Variants in CSMD1 observed in about 807,000 individuals in gnomAD.
CSMD1 encodes CUB and sushi domain-containing protein 1.
CSMD1 carries 213 observed loss-of-function variants against 417.5 expected under a neutral mutation model. That is an observed-to-expected ratio of 0.51 (90% CI 0.46 to 0.57). The LOEUF (loss-of-function observed/expected upper bound fraction) is 0.57. Among genes scored for constraint, CSMD1 ranks in the 20% least tolerant of loss-of-function variants. The pLI is 0.00. For synonymous variants in CSMD1, 2,862 were observed against 1,736.8 expected (o/e 1.65, Z -16.11); for missense variants, 6,923 against 4,529.7 (o/e 1.53, Z -15.17).
Position 4,215,231 on chromosome 8 carries a change from T to C in CSMD1, c.416-183132A>G, listed in dbSNP as rs1163915706. Among the ~76,000 whole-genome samples the C allele has an allele frequency of 2.6e-5, 4 of 152,326 alleles. No homozygotes were observed. The South Asian group carries it at 8.3e-4, about 32-fold the overall frequency. On this transcript the variant is annotated intron_variant, in intron 3 of 69. Transcript: ENST00000635120. ...GCTGCGACCTCTAGGTAGAAATTCTTGATCAGAGATGTGCTTTTCTCCTGT... is the reference window on the plus strand; with the variant it reads ...GCTGCGACCTCTAGGTAGAAATTCTCGATCAGAGATGTGCTTTTCTCCTGT...
At chr8:3,228,473 T>C (rs1001077827) in intron 27 of CSMD1, among the ~76,000 whole-genome samples, 1 of 152,192 alleles carries the variant, frequency 6.6e-6, no homozygotes, top group African/African-American at 2.4e-5. Flanking sequence ...GTTGCCAAAA[T>C]AATTGATTAT....
At chr8:3,302,653 C>G (rs1418935049) in intron 25 of CSMD1, among the ~76,000 whole-genome samples, 1 of 152,146 alleles carries the variant, frequency 6.6e-6, no homozygotes, top group Non-Finnish European at 1.5e-5. Context: ...AGCAGGCACC[C>G]TGTGAGCAGT....
intron 5 of CSMD1, among the ~76,000 whole-genome samples, chr8:3,925,698 G>T (rs575830036): frequency 6.6e-6 from 1 of 151,834 alleles, no homozygotes; most frequent in Non-Finnish European, 1.5e-5. Context: ...CCACCACCAC[G>T]TAAGAAGTGC....
At chr8:3,280,564 G>T (rs887507129) in intron 26 of CSMD1, among the ~76,000 whole-genome samples, 2 of 152,232 alleles carry the variant, frequency 1.3e-5, no homozygotes, top group East Asian at 3.9e-4. Context: ...ATTTATACCA[G>T]AATTTGGATT....
In CSMD1 at chr8:4,079,542, C is replaced by T. The variant is rs116108408; in HGVS notation, c.416-47443G>A. Among the ~76,000 whole-genome samples the T allele has an allele frequency of 6.5e-3, 984 of 152,296 alleles. 10 individuals are homozygous for T. The highest frequency in any genetic ancestry group is 0.022 in the African/African-American group (912 of 41,556). On this transcript the variant is annotated intron_variant, in intron 3 of 69. Coordinates refer to ENST00000635120, the MANE Select transcript of CSMD1 (RefSeq NM_033225.6). ...CAGCTGCACATCTGATGCCAAAACA[C>T]TGAAGATATTTATTGATGTACTTCA... is the stretch of plus-strand genomic sequence containing the variant.
chr8:4,269,522 A>G (rs906401762), intron 3 of CSMD1, among the ~76,000 whole-genome samples: 5 of 152,138 alleles, frequency 3.3e-5, no homozygotes, highest in Non-Finnish European at 7.4e-5. Flanking sequence ...TATCTAACTA[A>G]AAGCCCTCAA....
intron 7 of CSMD1, among the ~76,000 whole-genome samples, chr8:3,647,638 T>C (rs540096606): frequency 1.3e-5 from 2 of 152,342 alleles, no homozygotes; most frequent in East Asian, 1.9e-4. Flanking sequence ...TGCCATGTGA[T>C]TAAAGCATTC....
chr8:3,463,686 T>G (rs559839325), intron 12 of CSMD1, among the ~76,000 whole-genome samples: 1 of 152,196 alleles, frequency 6.6e-6, no homozygotes, highest in Non-Finnish European at 1.5e-5. Context: ...ATGTGCATAA[T>G]TGCTCACCTA....
intron 1 of CSMD1, among the ~76,000 whole-genome samples, chr8:4,967,417 T>C (rs1352052153): frequency 6.6e-6 from 1 of 152,156 alleles, no homozygotes; most frequent in African/African-American, 2.4e-5. Context: ...GATAAATAAC[T>C]ACATTAGTAA....
Position 4,341,640 on chromosome 8 carries a change from T to C in CSMD1, c.415+78313A>G, listed in dbSNP as rs13269988. On this transcript the variant is annotated intron_variant, in intron 3 of 69. Coordinates refer to ENST00000635120, the MANE Select transcript of CSMD1 (RefSeq NM_033225.6). The stretch of plus-strand genomic sequence containing the variant: ...AACTTACGGAAAAATGTTTAGGATA[T>C]GCTCTTGTGTTCTAAAAGCATCTTT... 4.9e-3 allele frequency among the ~76,000 whole-genome samples: 752 copies of C among 152,300 alleles called. 5 individuals are homozygous for C. The highest frequency in any genetic ancestry group is 8.2e-3 in the Non-Finnish European group (555 of 68,008).
At chr8:3,970,392 C>T (rs539824166) in intron 5 of CSMD1, among the ~76,000 whole-genome samples, 7 of 152,080 alleles carry the variant, frequency 4.6e-5, no homozygotes, top group Admixed American at 2.0e-4. Flanking sequence ...AAATCTGAAA[C>T]GAGATTGATT....
intron 6 of CSMD1, among the ~76,000 whole-genome samples, chr8:3,713,205 G>T (rs767941506): frequency 6.6e-6 from 1 of 152,102 alleles, no homozygotes; most frequent in Non-Finnish European, 1.5e-5. Flanking sequence ...ATTTTGTTGT[G>T]TCATTTACTT....
intron 2 of CSMD1, among the ~76,000 whole-genome samples, chr8:4,537,548 T>C (rs976399998): frequency 1.6e-4 from 25 of 152,226 alleles, no homozygotes; most frequent in African/African-American, 5.5e-4. Flanking sequence ...ATTAAAAAGA[T>C]TAGTTTTCAA....
rs370665254 is a variant in CSMD1 at position 3,768,069 on chromosome 8, C to T, written c.819-14027G>A. On this transcript the variant is annotated intron_variant, in intron 5 of 69. Coordinates refer to ENST00000635120, the MANE Select transcript of CSMD1 (RefSeq NM_033225.6). ...CTTTGACCCCGAGTATAGACAGCTACGGTCCATATGATTTAGAGTCATATA... is the reference window on the plus strand; with the variant it reads ...CTTTGACCCCGAGTATAGACAGCTATGGTCCATATGATTTAGAGTCATATA... 7.9e-5 allele frequency among the ~76,000 whole-genome samples: 12 copies of T among 152,130 alleles called. No homozygotes were observed. The East Asian group carries it at 1.2e-3, about 15-fold the overall frequency.
intron 2 of CSMD1, among the ~76,000 whole-genome samples, chr8:4,534,581 C>T (rs956032640): frequency 2.6e-5 from 4 of 151,968 alleles, no homozygotes; most frequent in African/African-American, 4.8e-5. Context: ...AACCCCTCCC[C>T]TCCTCCCTCT....
intron 26 of CSMD1, among the ~76,000 whole-genome samples, chr8:3,256,677 A>G (rs906197298): frequency 6.6e-6 from 1 of 152,214 alleles, no homozygotes; most frequent in African/African-American, 2.4e-5. Flanking sequence ...CCAGAACTGG[A>G]TCCTGCAGCC....
At chr8:4,915,532 C>G (rs547144860) in intron 1 of CSMD1, among the ~76,000 whole-genome samples, 3 of 152,128 alleles carry the variant, frequency 2.0e-5, no homozygotes, top group Admixed American at 1.3e-4. Context: ...CTGGCAGGAG[C>G]ACGGCTCTGA....
chr8:3,503,744 T>C (rs1006011772), intron 10 of CSMD1, among the ~76,000 whole-genome samples: 1 of 152,136 alleles, frequency 6.6e-6, no homozygotes, highest in African/African-American at 2.4e-5. Context: ...TGGCTTAGTT[T>C]TCCCTGTCTC....
chr8:3,520,848 A>G (rs1364400709), intron 10 of CSMD1, among the ~76,000 whole-genome samples: 1 of 152,130 alleles, frequency 6.6e-6, no homozygotes, highest in East Asian at 1.9e-4. Flanking sequence ...AACCTCTCCC[A>G]GCCTGAACCC....
Sources: allele counts gnomAD v4.1 joint callset (sites outside exome capture counted in the v4.1 genomes callset), GRCh38; gene constraint gnomAD v4.1.1; transcripts MANE v1.5; gene names NCBI Gene and HGNC (gene_info 2026-07-23, HGNC 2026-07-21).